Variants in FGF14 observed in about 807,000 individuals in gnomAD.
FGF14 encodes the protein fibroblast growth factor 14, also known as fibroblast growth factor homologous factor 4.
FGF14 carries 5 observed loss-of-function variants against 25.5 expected under a neutral mutation model. That is an observed-to-expected ratio of 0.20 (90% CI 0.10 to 0.41). The LOEUF (loss-of-function observed/expected upper bound fraction) is 0.41, where lower values mean the gene tolerates loss of function less well. FGF14 is among the 10% of genes least tolerant of loss of function. The pLI is 1.00. For synonymous variants in FGF14, 138 were observed against 118.3 expected (o/e 1.17, Z -1.08); for missense variants, 222 against 320.1 (o/e 0.69, Z 2.34).
intron 1 of FGF14, among the ~76,000 whole-genome samples, chr13:101,906,332 G>A (rs1391948161): frequency 6.6e-6 from 1 of 152,068 alleles, no homozygotes. Flanking sequence ...AAGATTAATA[G>A]GGTTAAACAA....
At chr13:102,078,220 T>C (rs944665961) in intron 1 of FGF14, among the ~76,000 whole-genome samples, 10 of 152,142 alleles carry the variant, frequency 6.6e-5, no homozygotes, top group African/African-American at 2.4e-4. Context: ...TATTGTCCAA[T>C]ATGGTAACTA....
At chr13:102,126,727 CCTAA>C (rs1246093858) in intron 1 of FGF14, among the ~76,000 whole-genome samples, 7 of 152,038 alleles carry the variant, frequency 4.6e-5, no homozygotes, top group Admixed American at 2.0e-4. Context: ...AATAAAAGTA[CCTAA>C]CTCTTATGGA....
At chr13:101,962,294 C>T (rs2036907908) in intron 1 of FGF14, among the ~76,000 whole-genome samples, 1 of 152,050 alleles carries the variant, frequency 6.6e-6, no homozygotes, top group Non-Finnish European at 1.5e-5. Context: ...AGATGTATTC[C>T]TAGGTATTTG....
At chr13:101,973,574 G>A (rs1460673526) in intron 1 of FGF14, among the ~76,000 whole-genome samples, 5 of 152,220 alleles carry the variant, frequency 3.3e-5, no homozygotes, top group Non-Finnish European at 5.9e-5. Context: ...GGCAGTCCGA[G>A]TTCCAAAACT....
Position 101,710,852 on chromosome 13 carries a change from C to A in FGF14, c.*11979G>T, listed in dbSNP as rs2034431362. The A allele has an allele frequency of 6.6e-6, 1 of 152,132 alleles. No homozygotes were observed. The allele number at this position is 152,132 out of a possible 1,614,324, so 9.4% of individuals were successfully genotyped here. On this transcript the variant is annotated 3_prime_UTR_variant, in exon 5 of 5. Coordinates refer to ENST00000376143, the MANE Select transcript of FGF14 (RefSeq NM_004115.4). ...TTTCTTTACAAATTTATAGCCAAGA[C>A]AATAAATCACTCCATAGAAAAATTT...
chr13:102,030,899 T>C (rs1363930589), intron 1 of FGF14, among the ~76,000 whole-genome samples: 1 of 152,122 alleles, frequency 6.6e-6, no homozygotes, highest in Non-Finnish European at 1.5e-5. Context: ...TGAAATCATG[T>C]TGTACTTCTG....
chr13:102,027,681 G>A lies in FGF14; in HGVS notation c.209-152385C>T, dbSNP rs150524810. Among the ~76,000 whole-genome samples, 677 of 152,006 alleles carry A rather than the reference G, an allele frequency of 4.5e-3. 2 individuals carry two copies. Among genetic ancestry groups the A allele is most frequent in the Middle Eastern group, 0.01 (3 of 294 alleles). ...AAGCTATCCATCCTTTGCTTGACTC[G>A]GTATAATCTTGTTTGCTAACTATAG... On this transcript the variant is annotated intron_variant, in intron 1 of 4. Transcript: ENST00000376131.
Position 102,400,504 on chromosome 13 carries a change from G to T in FGF14, c.208+967C>A, listed in dbSNP as rs1322134043. Among the ~76,000 whole-genome samples the T allele has an allele frequency of 1.3e-5, 2 of 152,188 alleles. No homozygotes were observed. The highest frequency in any genetic ancestry group is 2.9e-5 in the Non-Finnish European group (2 of 68,014). On this transcript the variant is annotated intron_variant, in intron 1 of 4. Coordinates refer to the FGF14 transcript ENST00000376131. This position sits in a 1 kb window ranked among gnomAD's most constrained non-coding sequence, Gnocchi z 4.3. ...GCCGCCACCACCATGCAGCCCTCCA[G>T]CCTGCCTCCCCTGGGTTGCTCGCCC...
At chr13:102,361,013 T>C (rs1285414701) in intron 1 of FGF14, among the ~76,000 whole-genome samples, 1 of 152,184 alleles carries the variant, frequency 6.6e-6, no homozygotes, top group Non-Finnish European at 1.5e-5. Flanking sequence ...TATATCCCTG[T>C]CTAAATTGGA....
At chr13:102,116,449 T>C (rs1163777559) in intron 1 of FGF14, among the ~76,000 whole-genome samples, 3 of 152,270 alleles carry the variant, frequency 2.0e-5, no homozygotes, top group East Asian at 3.9e-4. Context: ...TTTATAATCA[T>C]ATGTATAACA....
At chr13:102,005,533 T>C (rs1469323874) in intron 1 of FGF14, among the ~76,000 whole-genome samples, 1 of 152,194 alleles carries the variant, frequency 6.6e-6, no homozygotes, top group Non-Finnish European at 1.5e-5. Context: ...GTTTCTCTGA[T>C]TTTTAAAGTT....
At chr13:102,319,004 A>C (rs1348012219) in intron 1 of FGF14, among the ~76,000 whole-genome samples, 1 of 152,146 alleles carries the variant, frequency 6.6e-6, no homozygotes, top group African/African-American at 2.4e-5. Flanking sequence ...AGCATTGAAG[A>C]CTATTGAGGA....
At chr13:102,133,809 T>C (rs1220994239) in intron 1 of FGF14, among the ~76,000 whole-genome samples, 2 of 152,306 alleles carry the variant, frequency 1.3e-5, no homozygotes, top group Admixed American at 6.5e-5. Context: ...CGTTGCTGCA[T>C]GTGGAGGTTA....
chr13:102,312,485 G>C (rs2055821865), intron 1 of FGF14, among the ~76,000 whole-genome samples: 2 of 152,076 alleles, frequency 1.3e-5, no homozygotes, highest in South Asian at 4.1e-4. Flanking sequence ...GAATAAATAG[G>C]ACTGATACTT....
intron 1 of FGF14, among the ~76,000 whole-genome samples, chr13:102,388,799 G>C (rs112588754): frequency 1.3e-5 from 2 of 151,906 alleles, no homozygotes; most frequent in Non-Finnish European, 2.9e-5. Context: ...AATTATAATT[G>C]AGCCATTCTC....
chr13:102,217,480 C>A (rs1445525608), intron 1 of FGF14, among the ~76,000 whole-genome samples: 1 of 152,078 alleles, frequency 6.6e-6, no homozygotes, highest in Non-Finnish European at 1.5e-5. Flanking sequence ...TTACTATTAG[C>A]TAAAAAATCA....
chr13:102,284,739 A>G lies in FGF14; in HGVS notation c.208+116732T>C, dbSNP rs1040909771. Among the ~76,000 whole-genome samples, 9 of 152,132 alleles carry G rather than the reference A, an allele frequency of 5.9e-5. No homozygotes were observed. The East Asian group carries it at 1.3e-3, about 23-fold the overall frequency. The stretch of plus-strand genomic sequence containing the variant: ...ATTCCAGCAGGAATATCAAACATAA[A>G]TGCTTACTCATGGTTTTGATGCAGA... On this transcript the variant is annotated intron_variant, in intron 1 of 4. Coordinates refer to the FGF14 transcript ENST00000376131.
intron 1 of FGF14, among the ~76,000 whole-genome samples, chr13:102,374,684 A>G (rs1316902447): frequency 7.2e-4 from 78 of 108,572 alleles, no homozygotes; most frequent in African/African-American, 2.5e-3. Flanking sequence ...ATATATATAT[A>G]TATATATATA....
chr13:101,878,684 A>C lies in FGF14; in HGVS notation c.194-3388T>G, dbSNP rs144724102. Among the ~76,000 whole-genome samples the C allele has an allele frequency of 9.6e-3, 1,469 of 152,286 alleles. 6 individuals are homozygous for C. Among genetic ancestry groups the C allele is most frequent in the Non-Finnish European group, 0.012 (795 of 68,004 alleles). On this transcript the variant is annotated intron_variant, in intron 1 of 4. Coordinates refer to ENST00000376143, the MANE Select transcript of FGF14 (RefSeq NM_004115.4). The stretch of plus-strand genomic sequence containing the variant: ...CAAAAACAAATGATGATCTATTGAA[A>C]TCTAACATGAAATTAGCCAAAAGAG...
Sources: allele counts gnomAD v4.1 joint callset (sites outside exome capture counted in the v4.1 genomes callset), GRCh38; gene constraint gnomAD v4.1.1; non-coding constraint Gnocchi (gnomAD v3.1); transcripts MANE v1.5; gene names NCBI Gene and HGNC (gene_info 2026-07-23, HGNC 2026-07-21).